GALNTL6: variants seen among roughly 807,000 people sequenced by gnomAD.
GALNTL6 encodes the protein polypeptide N-acetylgalactosaminyltransferase like 6.
In GALNTL6, 46 loss-of-function variants were observed where a neutral mutation model predicts 73.7. The ratio of observed to expected loss-of-function variants is 0.62; its 90% CI spans 0.49 to 0.80. GALNTL6 has a LOEUF of 0.80. Ranked by LOEUF, GALNTL6 falls within the 30% of genes least tolerant of loss-of-function variation. The pLI, the probability that GALNTL6 is intolerant of heterozygous loss-of-function variation, is 0.00. For synonymous variants in GALNTL6, 259 were observed against 263.7 expected (o/e 0.98, Z 0.17); for missense variants, 604 against 755.0 (o/e 0.80, Z 2.34).
intron 2 of GALNTL6, among the ~76,000 whole-genome samples, chr4:171,998,544 G>A (rs569485045): frequency 9.2e-5 from 14 of 152,082 alleles, no homozygotes; most frequent in Non-Finnish European, 2.1e-4. Flanking sequence ...TTTAGGTAGT[G>A]GGGGGTTAGG....
intron 5 of GALNTL6, among the ~76,000 whole-genome samples, chr4:172,545,208 G>A (rs1038837456): frequency 2.0e-5 from 3 of 152,054 alleles, no homozygotes; most frequent in East Asian, 1.9e-4. Flanking sequence ...GGGTGGGGGG[G>A]TAACTAAGGC....
At chr4:172,082,523 T>G (rs1579120074) in intron 2 of GALNTL6, among the ~76,000 whole-genome samples, 1 of 152,062 alleles carries the variant, frequency 6.6e-6, no homozygotes, top group South Asian at 2.1e-4. Context: ...GATTTGAGCT[T>G]AAATAACTGT....
intron 5 of GALNTL6, among the ~76,000 whole-genome samples, chr4:172,693,383 C>T (rs1415525661): frequency 6.6e-6 from 1 of 152,168 alleles, no homozygotes; most frequent in Non-Finnish European, 1.5e-5. Flanking sequence ...CCCCATTGCC[C>T]CAGCCACTGG....
intron 5 of GALNTL6, among the ~76,000 whole-genome samples, chr4:172,394,073 C>G (rs1743760999): frequency 6.6e-6 from 1 of 152,096 alleles, no homozygotes; most frequent in Non-Finnish European, 1.5e-5. Flanking sequence ...AACTGGTACA[C>G]AGGTAATCTG....
intron 5 of GALNTL6, among the ~76,000 whole-genome samples, chr4:172,732,737 A>G (rs192138335): frequency 6.6e-6 from 1 of 152,294 alleles, no homozygotes; most frequent in East Asian, 1.9e-4. Context: ...TCCAAAGTAT[A>G]TTTTATTGAT....
chr4:172,577,375 T>A (rs953081654), intron 5 of GALNTL6, among the ~76,000 whole-genome samples: 1 of 152,226 alleles, frequency 6.6e-6, no homozygotes, highest in African/African-American at 2.4e-5. Context: ...CGAATTTTTA[T>A]CCCTCTGTGT....
At chr4:172,602,954 C>T (rs1738120121) in intron 5 of GALNTL6, among the ~76,000 whole-genome samples, 1 of 152,102 alleles carries the variant, frequency 6.6e-6, no homozygotes, top group African/African-American at 2.4e-5. Context: ...AAGATTATGC[C>T]ATTGTGCTGA....
intron 2 of GALNTL6, among the ~76,000 whole-genome samples, chr4:172,104,234 T>G (rs1732612145): frequency 6.6e-6 from 1 of 152,170 alleles, no homozygotes; most frequent in South Asian, 2.1e-4. Flanking sequence ...TGAGCCACCG[T>G]GCCCGGCCTG....
intron 5 of GALNTL6, among the ~76,000 whole-genome samples, chr4:172,586,420 T>C (rs886345497): frequency 3.3e-5 from 5 of 151,648 alleles, no homozygotes; most frequent in African/African-American, 9.7e-5. Flanking sequence ...TCCAAGACAG[T>C]TTATGATTTA....
At chr4:172,514,805 AT>A (rs1159826042) in intron 5 of GALNTL6, among the ~76,000 whole-genome samples, 2 of 151,964 alleles carry the variant, frequency 1.3e-5, no homozygotes, top group Non-Finnish European at 2.9e-5. Flanking sequence ...CTACTTTTAT[AT>A]TTTACTCAGC....
chr4:172,307,794 C>T (rs1024581155), intron 3 of GALNTL6, among the ~76,000 whole-genome samples: 4 of 151,882 alleles, frequency 2.6e-5, no homozygotes, highest in African/African-American at 9.7e-5. Flanking sequence ...TAATGTGATG[C>T]CTCCAGATTT....
intron 2 of GALNTL6, chr4:172,052,648 C>A (rs1358840344): frequency 6.8e-6 from 4 of 590,384 alleles, no homozygotes; most frequent in Non-Finnish European, 1.1e-5. Context: ...ACCATCATCT[C>A]TTTCTTTTGT....
chr4:171,981,949 G>A (rs964591994), intron 2 of GALNTL6, among the ~76,000 whole-genome samples: 4 of 151,860 alleles, frequency 2.6e-5, no homozygotes, highest in Non-Finnish European at 5.9e-5. Context: ...GAAAGAGGGG[G>A]TTAACTATAT....
At chr4:172,698,437 C>T (rs1490172139) in intron 5 of GALNTL6, among the ~76,000 whole-genome samples, 1 of 152,050 alleles carries the variant, frequency 6.6e-6, no homozygotes, top group African/African-American at 2.4e-5. Flanking sequence ...TCCCATCTAC[C>T]CTCCACTCAG....
chr4:172,010,922 C>T (rs2110778768), intron 2 of GALNTL6, among the ~76,000 whole-genome samples: 1 of 152,030 alleles, frequency 6.6e-6, no homozygotes, highest in South Asian at 2.1e-4. Flanking sequence ...TGAGATGGTT[C>T]TTGTAAGATG....
intron 5 of GALNTL6, among the ~76,000 whole-genome samples, chr4:172,357,631 A>ATT (rs1161387521): frequency 8.7e-5 from 1 of 11,530 alleles, no homozygotes; most frequent in African/African-American, 1.4e-4. Flanking sequence ...ATATATAGAT[A>ATT]TATACACACA....
chr4:172,931,099 C>G, intron 8 of GALNTL6, 62 bp from the exon 9 acceptor site: 3 of 889,170 alleles, frequency 3.4e-6, no homozygotes, highest in Middle Eastern at 4.3e-4. Flanking sequence ...ATGAGTCCTA[C>G]TGATTATTCC....
rs538448977 is a variant in GALNTL6 at position 172,742,544 on chromosome 4, A to T, written c.554-66817A>T. The stretch of plus-strand genomic sequence containing the variant: ...TTTGGGAACCAAGATCTGAAAACTA[A>T]CAGAGCACAAAGTTACAGGGATAGG... On this transcript the variant is annotated intron_variant, in intron 5 of 12. Transcript: ENST00000506823. 2.2e-4 allele frequency among the ~76,000 whole-genome samples: 34 copies of T among 152,096 alleles called. No individual in the cohort carries two copies. The South Asian group carries it at 6.0e-3, about 27-fold the overall frequency.
chr4:171,948,821 C>A (rs1379744106), intron 2 of GALNTL6, among the ~76,000 whole-genome samples: 1 of 151,962 alleles, frequency 6.6e-6, no homozygotes, highest in Non-Finnish European at 1.5e-5. Context: ...GAAAAATAGG[C>A]AATATCTCAA....
Sources: allele counts gnomAD v4.1 joint callset (sites outside exome capture counted in the v4.1 genomes callset), GRCh38; gene constraint gnomAD v4.1.1; transcripts MANE v1.5; gene names NCBI Gene and HGNC (gene_info 2026-07-23, HGNC 2026-07-21).